The following ITSN1 variants were observed in gnomAD, a reference collection of about 807,000 sequenced individuals.
ITSN1 encodes the protein intersectin 1.
ITSN1 carries 58 observed loss-of-function variants against 239.8 expected under a neutral mutation model. The ratio of observed to expected loss-of-function variants is 0.24; its 90% CI spans 0.20 to 0.30. ITSN1 has a LOEUF of 0.30. Ranked by LOEUF, ITSN1 falls within the 10% of genes least tolerant of loss-of-function variation. The pLI, the probability that ITSN1 is intolerant of heterozygous loss-of-function variation, is 1.00. For synonymous variants in ITSN1, 780 were observed against 770.8 expected (o/e 1.01, Z -0.20); for missense variants, 1,558 against 2,103.3 (o/e 0.74, Z 5.07).
At position 33,881,903 on chromosome 21, in the gene ITSN1, A is replaced by G. The variant is rs566088269; in HGVS notation, c.4342-340A>G. Among the ~76,000 whole-genome samples, 50 of 145,642 alleles carry G rather than the reference A, an allele frequency of 3.4e-4. 1 individual carries two copies. The South Asian group carries it at 0.011, about 33-fold the overall frequency. Reference sequence around the variant, plus strand: ...TCAAGGCTACCTGAACTATGATCACACCACTGCACTCCAGCCTGGGCAACA... The same window carrying G: ...TCAAGGCTACCTGAACTATGATCACGCCACTGCACTCCAGCCTGGGCAACA... On this transcript the variant is annotated intron_variant, in intron 34 of 39. Coordinates refer to ENST00000381318, the MANE Select transcript of ITSN1 (RefSeq NM_003024.3).
At chr21:33,738,338 T>C (rs550575510) in intron 5 of ITSN1, among the ~76,000 whole-genome samples, 1 of 152,248 alleles carries the variant, frequency 6.6e-6, no homozygotes, top group East Asian at 1.9e-4. Context: ...ACTGAGATTC[T>C]CAGAAATTGA....
intron 33 of ITSN1, among the ~76,000 whole-genome samples, chr21:33,869,200 A>G (rs960108919): frequency 6.6e-6 from 1 of 152,204 alleles, no homozygotes; most frequent in African/African-American, 2.4e-5. Context: ...CTGGGTAATT[A>G]ATAAGGAAAG....
chr21:33,736,914 G>C (rs1047664800), intron 5 of ITSN1, among the ~76,000 whole-genome samples: 1 of 152,190 alleles, frequency 6.6e-6, no homozygotes, highest in Non-Finnish European at 1.5e-5. Flanking sequence ...GAGCACAAGA[G>C]GTCAAGCCTG....
At chr21:33,875,273 G>T (rs1983535586) in intron 33 of ITSN1, 81 bp from the exon 34 acceptor site, 5 of 1,512,516 alleles carry the variant, frequency 3.3e-6, no homozygotes, top group Non-Finnish European at 4.6e-6. Context: ...TGCCCCGCTG[G>T]GCCTGGTCCT....
chr21:33,834,577 T>C (rs2074492376), intron 28 of ITSN1, among the ~76,000 whole-genome samples, 153 bp downstream of exon 28: 1 of 152,242 alleles, frequency 6.6e-6, no homozygotes. Flanking sequence ...TAATGTGATA[T>C]GGAATATGTC....
At chr21:33,876,098 T>TTTCCTCTTTCTTTCTTTCC (rs1983710982) in intron 34 of ITSN1, among the ~76,000 whole-genome samples, 1 of 118,100 alleles carries the variant, frequency 8.5e-6, no homozygotes, top group East Asian at 3.1e-4. Flanking sequence ...TCTTTCTTTC[T>TTTCCTCTTTCTTTCTTTCC]TTCCTTCTTT....
chr21:33,769,951 C>T (rs2069015037), intron 11 of ITSN1, among the ~76,000 whole-genome samples: 1 of 152,032 alleles, frequency 6.6e-6, no homozygotes, highest in Non-Finnish European at 1.5e-5. Flanking sequence ...CCACCTTGGC[C>T]TCCCAAAAAG....
intron 23 of ITSN1, among the ~76,000 whole-genome samples, chr21:33,818,867 G>A (rs542736228): frequency 1.8e-4 from 28 of 152,312 alleles, no homozygotes; most frequent in African/African-American, 6.3e-4. Flanking sequence ...TTTTTCATTA[G>A]GGTCTTATAG....
chr21:33,795,124 G>A lies in ITSN1; in HGVS notation c.1952+656G>A, dbSNP rs2071437237. The stretch of plus-strand genomic sequence containing the variant: ...AACAAAAATGACCAAATGTCCCAAT[G>A]ACAGCCCCGTAAATTATAAAAGTTG... On this transcript the variant is annotated intron_variant, in intron 17 of 39. Coordinates refer to ENST00000381318, the MANE Select transcript of ITSN1 (RefSeq NM_003024.3). Among the ~76,000 whole-genome samples, 3 of 152,158 alleles carry A rather than the reference G, an allele frequency of 2.0e-5. No individual in the cohort carries two copies. The South Asian group carries it at 6.2e-4, about 32-fold the overall frequency.
rs998926243 is a variant in ITSN1 at position 33,865,677 on chromosome 21, C to T, written c.4074+343C>T. Among the ~76,000 whole-genome samples, 1 of 152,226 alleles carries T rather than the reference C, an allele frequency of 6.6e-6. No individual in the cohort carries two copies. The highest frequency in any genetic ancestry group is 6.5e-5 in the Admixed American group (1 of 15,282). Reference sequence around the variant, plus strand: ...TCTTAGATTTCCTCTTGTGTTTAATCGCCACATCCTCAGTTCTTTGCTGGT... The same window carrying T: ...TCTTAGATTTCCTCTTGTGTTTAATTGCCACATCCTCAGTTCTTTGCTGGT... On this transcript the variant is annotated intron_variant, in intron 32 of 39. Transcript: ENST00000381318. The surrounding 1 kb of genome is among the most constrained non-coding windows in gnomAD (Gnocchi z 4.4).
intron 33 of ITSN1, among the ~76,000 whole-genome samples, chr21:33,867,906 G>T (rs1220125925): frequency 6.6e-6 from 1 of 152,022 alleles, no homozygotes; most frequent in East Asian, 1.9e-4. Context: ...GGAGTTGTTC[G>T]TTCCTCCCGG....
intron 29 of ITSN1, among the ~76,000 whole-genome samples, chr21:33,844,005 G>A (rs77114149): frequency 0.039 from 5,967 of 152,318 alleles, 130 homozygotes; most frequent in Middle Eastern, 0.085. Context: ...GGTAGGTTGT[G>A]TGCATTTTTA....
At position 33,897,841 on chromosome 21, in the gene ITSN1, C is replaced by T. The variant is rs1268085780; in HGVS notation, c.*9541C>T. 1 of 151,988 alleles carries T rather than the reference C, an allele frequency of 6.6e-6. No individual in the cohort carries two copies. The highest frequency in any genetic ancestry group is 2.4e-5 in the African/African-American group (1 of 41,354). 9.4% of individuals were successfully genotyped at this position (151,988 alleles called of 1,614,324 possible). A position where few individuals can be genotyped will look rare whatever the true frequency, so the allele number is the denominator to read the frequency against. On this transcript the variant is annotated 3_prime_UTR_variant, in exon 40 of 40. Coordinates refer to ENST00000381318, the MANE Select transcript of ITSN1 (RefSeq NM_003024.3). ...AATGCTTAATGAGATTACTTGGGTTCAACTCAACTAAATTTCTTATATTAA... is the reference window on the plus strand; with the variant it reads ...AATGCTTAATGAGATTACTTGGGTTTAACTCAACTAAATTTCTTATATTAA...
intron 1 of ITSN1, among the ~76,000 whole-genome samples, chr21:33,652,557 A>G (rs2088634641): frequency 6.6e-6 from 1 of 152,112 alleles, no homozygotes; most frequent in Non-Finnish European, 1.5e-5. Flanking sequence ...AAAGATAGGT[A>G]AAATTCTTGG....
At position 33,893,204 on chromosome 21, in the gene ITSN1, G is replaced by T. The variant is rs1986477980; in HGVS notation, c.*4904G>T. 6.6e-6 allele frequency: 1 copy of T among 152,274 alleles called. No homozygotes were observed. Among genetic ancestry groups the T allele is most frequent in the South Asian group, 2.1e-4 (1 of 4,834 alleles). The allele number at this position is 152,274 out of a possible 1,614,324, so 9.4% of individuals were successfully genotyped here. A position where few individuals can be genotyped will look rare whatever the true frequency, so the allele number is the denominator to read the frequency against. On this transcript the variant is annotated 3_prime_UTR_variant, in exon 40 of 40. Transcript: ENST00000381318. ...AGTAGCCCAGGGCCCGCCTTCTAGA[G>T]TGAATGTTTCCCTCGAGCCCTTGGA...
intron 39 of ITSN1, among the ~76,000 whole-genome samples, chr21:33,887,796 C>G (rs1478329663): frequency 6.6e-6 from 1 of 151,896 alleles, no homozygotes; most frequent in East Asian, 1.9e-4. Context: ...TTTGTAGAGA[C>G]AGGGTCTCAC....
chr21:33,888,105 G>T, intron 39 of ITSN1, 47 bp from the exon 40 acceptor site: 1 of 1,590,480 alleles, frequency 6.3e-7, no homozygotes. Context: ...GTGCCTCGAA[G>T]AGAGGGAATG....
chr21:33,703,129 G>A (rs911290151), intron 1 of ITSN1, among the ~76,000 whole-genome samples: 4 of 149,264 alleles, frequency 2.7e-5, no homozygotes, highest in South Asian at 2.1e-4. Flanking sequence ...ACATATATAC[G>A]TATATATAAA....
Position 33,797,555 on chromosome 21 carries a change from A to G in ITSN1, c.2129A>G (p.His710Arg), listed in dbSNP as rs2071658260. 1.2e-6 allele frequency: 2 copies of G among 1,614,128 alleles called. No homozygotes were observed. The highest frequency in any genetic ancestry group is 8.5e-7 in the Non-Finnish European group (1 of 1,179,984). The change falls in exon 18 of 40, where the codon CAT (histidine) becomes CGT (arginine). Residue 710 changes from histidine to arginine, a missense_variant. His to Arg is a conservative substitution (Grantham distance 29). Coordinates refer to ENST00000381318, the MANE Select transcript of ITSN1 (RefSeq NM_003024.3). This position sits in a 1 kb window ranked among gnomAD's most constrained non-coding sequence, Gnocchi z 4.9. ...CAAGACAAGCTGGGTCGGCTTTTCC[A>G]TCAACACCAAGAACCAGCTAAGCCA... ...EAQDKLGRLF[H>R]QHQEPAKPAV...
Sources: gnomAD v4.1 joint callset for allele counts (sites outside exome capture counted in the v4.1 genomes callset) on GRCh38, gnomAD v4.1.1 for gene constraint, Gnocchi (gnomAD v3.1) non-coding constraint, MANE v1.5 for transcripts, NCBI Gene and HGNC (gene_info 2026-07-23, HGNC 2026-07-21) for gene names.